The following CLRN1 variants were observed in gnomAD, a reference collection of about 807,000 sequenced individuals.
CLRN1 encodes clarin 1, also known as clarin-1.
CLRN1 carries 15 observed loss-of-function variants against 18.7 expected under a neutral mutation model. The ratio of observed to expected loss-of-function variants is 0.80; its 90% CI spans 0.54 to 1.23. The LOEUF (loss-of-function observed/expected upper bound fraction) is 1.23, where lower values mean the gene tolerates loss of function less well. CLRN1 is among the 50% of genes most tolerant of loss of function. The pLI is 0.00. For synonymous variants in CLRN1, 104 were observed against 102.9 expected (o/e 1.01, Z -0.07); for missense variants, 311 against 277.5 (o/e 1.12, Z -0.86).
chr3:150,928,241 T>C (rs755202447), intron 2 of CLRN1, 40 bp from the exon 3 acceptor site: 1 of 1,611,894 alleles, frequency 6.2e-7, no homozygotes, highest in Non-Finnish European at 8.5e-7. Context: ...AAATATTTCC[T>C]GATTGTAAGG....
intron 2 of CLRN1, among the ~76,000 whole-genome samples, chr3:150,935,300 C>CCT: frequency 8.1e-6 from 1 of 123,036 alleles, no homozygotes; most frequent in Non-Finnish European, 1.7e-5. Context: ...CCCCCTCTTC[C>CCT]CACCCCACAA....
intron 2 of CLRN1, among the ~76,000 whole-genome samples, chr3:150,940,038 A>G (rs111581418): frequency 1.2e-4 from 19 of 152,304 alleles, no homozygotes; most frequent in African/African-American, 4.3e-4. Context: ...TGTTCTGTCT[A>G]AGTGACCAAG....
At chr3:150,941,331 C>T in intron 2 of CLRN1, 1 of 408,502 alleles carries the variant, frequency 2.4e-6, no homozygotes, top group Admixed American at 4.0e-5. Context: ...AGCGTTTATC[C>T]TCTTGATTAC....
chr3:150,928,755 G>C (rs1207771709), intron 2 of CLRN1, among the ~76,000 whole-genome samples: 1 of 152,226 alleles, frequency 6.6e-6, no homozygotes, highest in Admixed American at 6.5e-5. Flanking sequence ...ATGAGGTATT[G>C]AGGTGGCGCA....
At chr3:150,945,445 G>C in intron 1 of CLRN1, 1 of 1,188,388 alleles carries the variant, frequency 8.4e-7, no homozygotes, top group Non-Finnish European at 1.1e-6. Context: ...ATGCTGGAAG[G>C]GGGCCAGGAG....
intron 1 of CLRN1, among the ~76,000 whole-genome samples, chr3:150,969,891 G>A (rs113154193): frequency 0.041 from 6,282 of 152,100 alleles, 202 homozygotes; most frequent in East Asian, 0.15. Flanking sequence ...CAGGAGAATC[G>A]CTTGAACCCA....
chr3:150,965,445 A>C (rs913370389), intron 1 of CLRN1, among the ~76,000 whole-genome samples: 6 of 152,220 alleles, frequency 3.9e-5, no homozygotes, highest in Non-Finnish European at 5.9e-5. Flanking sequence ...TAATTATAGT[A>C]ATTCAATATT....
chr3:150,947,532 C>T (rs1714241093), intron 1 of CLRN1, among the ~76,000 whole-genome samples: 2 of 152,172 alleles, frequency 1.3e-5, no homozygotes, highest in Non-Finnish European at 2.9e-5. Context: ...AGGATCTGAA[C>T]TCAACATTGG....
rs963890618 is a variant in CLRN1, at chr3:150,943,843, A to C, written c.254-2082T>G. On this transcript the variant is annotated intron_variant, in intron 1 of 2. Transcript: ENST00000327047. ...ACCTGGTTGCTGCTGCAGGGCCTGC[A>C]TGGAGTTTACTCCTCACAGCACTAA... 6.2e-6 allele frequency: 10 copies of C among 1,614,088 alleles called. No homozygotes were observed. The highest frequency in any genetic ancestry group is 7.6e-6 in the Non-Finnish European group (9 of 1,180,038).
At chr3:150,943,152 G>T (rs1713957771) in intron 1 of CLRN1, among the ~76,000 whole-genome samples, 2 of 152,166 alleles carry the variant, frequency 1.3e-5, no homozygotes, top group South Asian at 2.1e-4. Context: ...TTATCCAGCG[G>T]TATCAATGAC....
intron 1 of CLRN1, among the ~76,000 whole-genome samples, chr3:150,968,567 A>T (rs1284108781): frequency 6.6e-6 from 1 of 152,234 alleles, no homozygotes; most frequent in Non-Finnish European, 1.5e-5. Context: ...TAGAGTGGTC[A>T]ATAGGGAACA....
At chr3:150,962,019 T>C (rs1244147878) in intron 1 of CLRN1, among the ~76,000 whole-genome samples, 1 of 152,182 alleles carries the variant, frequency 6.6e-6, no homozygotes, top group Non-Finnish European at 1.5e-5. Context: ...CTGAAGTGTA[T>C]CCACCTCACT....
At position 150,938,689 on chromosome 3, in the gene CLRN1, A is replaced by G. The variant is rs531616599; in HGVS notation, c.433+2893T>C. ...AAAAACACTGGCCTTTATCCTCTGC[A>G]AGACACAGATCTGGAGCTGGCTCCT... On this transcript the variant is annotated intron_variant, in intron 2 of 2. Coordinates refer to ENST00000327047, the MANE Select transcript of CLRN1 (RefSeq NM_174878.3). 1.3e-3 allele frequency among the ~76,000 whole-genome samples: 204 copies of G among 152,272 alleles called. 2 individuals are homozygous for G. The highest frequency in any genetic ancestry group is 4.7e-3 in the African/African-American group (196 of 41,552).
chr3:150,945,615 C>A, intron 1 of CLRN1: 1 of 1,286,974 alleles, frequency 7.8e-7, no homozygotes, highest in Non-Finnish European at 1.0e-6. Context: ...TACCAGTGTC[C>A]TCACTCAGGA....
At chr3:150,962,559 C>T (rs1320776608) in intron 1 of CLRN1, among the ~76,000 whole-genome samples, 1 of 152,070 alleles carries the variant, frequency 6.6e-6, no homozygotes, top group Non-Finnish European at 1.5e-5. Context: ...CATGTGCCTG[C>T]TTTTCTTTTG....
intron 1 of CLRN1, among the ~76,000 whole-genome samples, chr3:150,959,696 C>T (rs1370923155): frequency 2.6e-5 from 4 of 151,038 alleles, no homozygotes; most frequent in African/African-American, 7.3e-5. Context: ...TTACTAACTG[C>T]TAAGTATGTT....
In CLRN1 at chr3:150,968,179, T is replaced by C. The variant is rs138664520; in HGVS notation, c.253+4277A>G. On this transcript the variant is annotated intron_variant, in intron 1 of 2. Transcript: ENST00000327047. The stretch of plus-strand genomic sequence containing the variant: ...ATATCTAGGAATGATTGATACCATA[T>C]GATTCTTGGGTATCATATTTTGATG... 2.4e-3 allele frequency among the ~76,000 whole-genome samples: 360 copies of C among 152,324 alleles called. 1 individual carries two copies. Among genetic ancestry groups the C allele is most frequent in the African/African-American group, 8.2e-3 (340 of 41,574 alleles).
In CLRN1 at chr3:150,949,291, C is replaced by T. The variant is rs150480275; in HGVS notation, c.254-7530G>A. ...AAGGTGGAAGCATTCTCCCTGAAAA[C>T]TGGCACAAGACAAGAATGCCCTCTC... On this transcript the variant is annotated intron_variant, in intron 1 of 2. Coordinates refer to ENST00000327047, the MANE Select transcript of CLRN1 (RefSeq NM_174878.3). 5.5e-4 allele frequency among the ~76,000 whole-genome samples: 83 copies of T among 152,288 alleles called. 3 individuals carry two copies. In the East Asian group the frequency reaches 0.015, roughly 28 times the overall value.
At position 150,927,131 on chromosome 3, in the gene CLRN1, A is replaced by T. The variant is rs1712841685; in HGVS notation, c.*805T>A. ...GTGGTCCTAACAATTATGTTCATTG[A>T]AAGTACTGTCGTGAATGTAATTGGG... is the stretch of plus-strand genomic sequence containing the variant. On this transcript the variant is annotated 3_prime_UTR_variant, in exon 3 of 3. Coordinates refer to ENST00000327047, the MANE Select transcript of CLRN1 (RefSeq NM_174878.3). 1 of 701,396 alleles carries T rather than the reference A, an allele frequency of 1.4e-6. No homozygotes were observed. The highest frequency in any genetic ancestry group is 2.5e-6 in the Non-Finnish European group (1 of 396,258). The allele number at this position is 701,396 out of a possible 1,614,324, so 43.4% of individuals were successfully genotyped here. A position where few individuals can be genotyped will look rare whatever the true frequency, so the allele number is the denominator to read the frequency against.
Sources: allele counts gnomAD v4.1 joint callset (sites outside exome capture counted in the v4.1 genomes callset), GRCh38; gene constraint gnomAD v4.1.1; transcripts MANE v1.5; gene names NCBI Gene and HGNC (gene_info 2026-07-23, HGNC 2026-07-21).